Variants in PDZD2 observed in about 807,000 individuals in gnomAD.
PDZD2 encodes the protein PDZ domain-containing protein 2.
A neutral mutation model predicts 220.7 loss-of-function variants in PDZD2; 90 were observed. That is an observed-to-expected ratio of 0.41 (90% CI 0.34 to 0.49). The LOEUF is 0.49. Ranked by LOEUF, PDZD2 falls within the 20% of genes least tolerant of loss-of-function variation. The pLI, the probability that PDZD2 is intolerant of heterozygous loss-of-function variation, is 0.28. For missense variants in PDZD2, 3,174 were observed against 3,608.5 expected, an observed-to-expected ratio of 0.88 and a Z score of 3.08; for synonymous variants, 1,375 against 1,450.5, an observed-to-expected ratio of 0.95 and a Z score of 1.18.
At chr5:31,654,046 AGTGCTG>A (rs1198901103) in intron 1 of PDZD2, among the ~76,000 whole-genome samples, 1 of 152,126 alleles carries the variant, frequency 6.6e-6, no homozygotes, top group African/African-American at 2.4e-5. Flanking sequence ...GGCCTCCCAA[AGTGCTG>A]GGATTACAGG....
At chr5:31,805,061 G>T (rs748524205) in intron 2 of PDZD2, among the ~76,000 whole-genome samples, 3 of 152,196 alleles carry the variant, frequency 2.0e-5, no homozygotes, top group Non-Finnish European at 4.4e-5. Flanking sequence ...CAGGTGTGGT[G>T]ATGCATGCCT....
intron 2 of PDZD2, among the ~76,000 whole-genome samples, chr5:31,896,323 C>CGT (rs35229609): frequency 0.2 from 27,883 of 136,180 alleles, 3,065 homozygotes; most frequent in East Asian, 0.39. Context: ...TTGATACTCT[C>CGT]GTGTGTGTGT....
chr5:31,752,068 G>GTTTTTTTTTTTTTTTTTT lies in PDZD2; in HGVS notation c.-360-46821_-360-46820insTTTTTTTTTTTTTTTTTT, dbSNP rs1251840861. 4.2e-3 allele frequency among the ~76,000 whole-genome samples: 404 copies of GTTTTTTTTTTTTTTTTTT among 95,886 alleles called. 127 individuals are homozygous for GTTTTTTTTTTTTTTTTTT. The highest frequency in any genetic ancestry group is 7.1e-3 in the Middle Eastern group (1 of 140). 62.9% of individuals were successfully genotyped at this position (95,886 alleles called of 152,430 possible). ...TTTGTTTGTTTGTTTTATTGTTTTG[G>GTTTTTTTTTTTTTTTTTT]GTTTGTTTTTTTTTTTTTTTTTCTG... On this transcript the variant is annotated intron_variant, in intron 1 of 24. Transcript: ENST00000438447.
intron 2 of PDZD2, among the ~76,000 whole-genome samples, chr5:31,853,792 T>C (rs549024455): frequency 1.3e-5 from 2 of 152,202 alleles, no homozygotes; most frequent in African/African-American, 4.8e-5. Context: ...GGGTGTGACT[T>C]AACCTGAACC....
chr5:31,778,357 G>C (rs904020024), intron 1 of PDZD2, among the ~76,000 whole-genome samples: 1 of 152,092 alleles, frequency 6.6e-6, no homozygotes, highest in Non-Finnish European at 1.5e-5. Flanking sequence ...TTGTTCTTTC[G>C]CTCTTTGTAA....
At chr5:31,736,545 A>G (rs965811804) in intron 1 of PDZD2, among the ~76,000 whole-genome samples, 1 of 152,266 alleles carries the variant, frequency 6.6e-6, no homozygotes, top group Non-Finnish European at 1.5e-5. Flanking sequence ...AAAACTGTTT[A>G]TGCAGATGGA....
At chr5:31,929,694 A>G (rs540306729) in intron 2 of PDZD2, among the ~76,000 whole-genome samples, 87 of 152,224 alleles carry the variant, frequency 5.7e-4, no homozygotes, top group African/African-American at 2.0e-3. Context: ...TACAGAAAAT[A>G]CAGAAAAATC....
At chr5:31,649,933 G>T (rs1286172549) in intron 1 of PDZD2, among the ~76,000 whole-genome samples, 1 of 59,518 alleles carries the variant, frequency 1.7e-5, no homozygotes, top group Non-Finnish European at 2.9e-5. Context: ...GTGAGACTCC[G>T]TCTCAAAAAA....
intron 23 of PDZD2, chr5:32,100,873 C>A: frequency 6.4e-7 from 1 of 1,569,158 alleles, no homozygotes. Flanking sequence ...AAACACAGAA[C>A]AAAGGATGCA....
In PDZD2 at chr5:32,053,819, G is replaced by A; in HGVS notation, c.1836G>A (p.Met612Ile). Reference sequence around the variant, plus strand: ...GTCGAGACTGCATTCGTGGACAGATGGGGATTTTTGTCAAGACCATCTTCC... The same window carrying A: ...GTCGAGACTGCATTCGTGGACAGATAGGGATTTTTGTCAAGACCATCTTCC... ...AGGRDCIRGQ[M>I]GIFVKTIFPN... The change falls in exon 10 of 25, where the codon ATG becomes ATA. Residue 612 changes from methionine (M) to isoleucine (I), a missense_variant. Transcript: ENST00000438447. The A allele has an allele frequency of 6.2e-7, 1 of 1,613,652 alleles. No individual in the cohort carries two copies. Among genetic ancestry groups the A allele is most frequent in the African/African-American group, 1.3e-5 (1 of 75,024 alleles).
In PDZD2 at chr5:31,799,001, C is replaced by G; in HGVS notation, c.-248C>G. The G allele has an allele frequency of 1.4e-4, 67 of 486,434 alleles. No individual in the cohort carries two copies. The highest frequency in any genetic ancestry group is 1.7e-4 in the Non-Finnish European group (47 of 273,738). 30.1% of individuals were successfully genotyped at this position (486,434 alleles called of 1,614,324 possible). A position where few individuals can be genotyped will look rare whatever the true frequency, so the allele number is the denominator to read the frequency against. On this transcript the variant is annotated 5_prime_UTR_variant, in exon 2 of 25. Coordinates refer to ENST00000438447, the MANE Select transcript of PDZD2 (RefSeq NM_178140.4). The stretch of plus-strand genomic sequence containing the variant: ...GAACCTGGCAGGGACTTGTTAGACA[C>G]TTCCTTCCTTCCCTCATTGAGCACT...
chr5:31,840,433 TA>T (rs1561499244), intron 2 of PDZD2: 4,027 of 93,664 alleles, frequency 0.043, 300 homozygotes, highest in East Asian at 0.059. Flanking sequence ...TATATATATA[TA>T]TATATATATA....
intron 2 of PDZD2, among the ~76,000 whole-genome samples, chr5:31,884,475 CTAGGATGCCCA>C (rs1740240445): frequency 1.3e-5 from 2 of 152,026 alleles, no homozygotes; most frequent in East Asian, 3.9e-4. Flanking sequence ...TGGTGAGACC[CTAGGATGCCCA>C]TTCAGCCTCA....
At chr5:31,837,676 A>C (rs1757029135) in intron 2 of PDZD2, among the ~76,000 whole-genome samples, 2 of 152,110 alleles carry the variant, frequency 1.3e-5, no homozygotes, top group South Asian at 4.2e-4. Flanking sequence ...GTGAGCCGAG[A>C]TTGTGTCACT....
In PDZD2 at chr5:31,724,902, A is replaced by T. The variant is rs555256045; in HGVS notation, c.-360-73987A>T. ...TATGAAAGTTTATTTTTAATAAGAC[A>T]GTGTTGCAAATTATGGTCAACTAAC... is the stretch of plus-strand genomic sequence containing the variant. On this transcript the variant is annotated intron_variant, in intron 1 of 24. Transcript: ENST00000438447. 2.2e-4 allele frequency among the ~76,000 whole-genome samples: 34 copies of T among 152,340 alleles called. 1 individual carries two copies. Among genetic ancestry groups the T allele is most frequent in the African/African-American group, 7.7e-4 (32 of 41,586 alleles).
intron 2 of PDZD2, among the ~76,000 whole-genome samples, chr5:31,805,071 T>C (rs923700168): frequency 6.6e-6 from 1 of 152,182 alleles, no homozygotes; most frequent in Non-Finnish European, 1.5e-5. Context: ...GATGCATGCC[T>C]GTAATCCCAG....
At chr5:32,006,424 T>C (rs911093689) in intron 5 of PDZD2, among the ~76,000 whole-genome samples, 3 of 149,824 alleles carry the variant, frequency 2.0e-5, no homozygotes, top group African/African-American at 7.4e-5. Flanking sequence ...TGTAATCATA[T>C]AGCTCTCTGC....
intron 2 of PDZD2, among the ~76,000 whole-genome samples, chr5:31,963,774 C>T (rs1330205544): frequency 6.6e-6 from 1 of 152,204 alleles, no homozygotes. Context: ...TCTGTCTCAT[C>T]TCTCTCTGGC....
chr5:32,041,378 C>T (rs924995162), intron 7 of PDZD2, among the ~76,000 whole-genome samples: 4 of 151,868 alleles, frequency 2.6e-5, no homozygotes, highest in African/African-American at 4.8e-5. Flanking sequence ...GCCATGATGA[C>T]GATGGCAGTT....
Sources: gnomAD v4.1 joint callset for allele counts (sites outside exome capture counted in the v4.1 genomes callset) on GRCh38, gnomAD v4.1.1 for gene constraint, MANE v1.5 for transcripts, NCBI Gene and HGNC (gene_info 2026-07-23, HGNC 2026-07-21) for gene names.